Variants in ARIH1 observed in about 807,000 individuals in gnomAD.
ARIH1 encodes the protein E3 ubiquitin-protein ligase ARIH1.
Under a neutral mutation model 85.0 loss-of-function variants are expected in ARIH1, and 8 were observed. That is an observed-to-expected ratio of 0.09 (90% CI 0.06 to 0.17). The LOEUF is 0.17. Ranked by LOEUF, ARIH1 falls within the 10% of genes least tolerant of loss-of-function variation. The pLI, the probability that ARIH1 is intolerant of heterozygous loss-of-function variation, is 1.00. For missense variants in ARIH1, 311 were observed against 718.1 expected (o/e 0.43, Z 6.48); for synonymous variants, 238 against 253.6 (o/e 0.94, Z 0.59).
chr15:72,568,896 G>T (rs2064232043), intron 9 of ARIH1, among the ~76,000 whole-genome samples: 1 of 152,102 alleles, frequency 6.6e-6, no homozygotes, highest in Non-Finnish European at 1.5e-5. Flanking sequence ...GCCAAATTGT[G>T]CAAATACTAA....
At chr15:72,565,742 A>C (rs2064217059) in intron 7 of ARIH1, among the ~76,000 whole-genome samples, 1 of 152,158 alleles carries the variant, frequency 6.6e-6, no homozygotes, top group South Asian at 2.1e-4. Context: ...GTTTTTCTTC[A>C]TTAAGAGATA....
At chr15:72,550,764 C>T (rs997117127) in intron 3 of ARIH1, among the ~76,000 whole-genome samples, 8 of 151,410 alleles carry the variant, frequency 5.3e-5, no homozygotes, top group East Asian at 3.9e-4. Flanking sequence ...CTCCGCCTCC[C>T]GGGTTCAAGT....
chr15:72,575,866 TTTG>T (rs1026739478), intron 11 of ARIH1, among the ~76,000 whole-genome samples: 1 of 152,096 alleles, frequency 6.6e-6, no homozygotes, highest in African/African-American at 2.4e-5. Context: ...TGGCTGTGGT[TTTG>T]TTGTTTTTTC....
intron 2 of ARIH1, among the ~76,000 whole-genome samples, chr15:72,533,317 A>G (rs1482779095): frequency 6.6e-6 from 1 of 152,130 alleles, no homozygotes; most frequent in Non-Finnish European, 1.5e-5. Context: ...TTTAGTAGAG[A>G]TGGGGTTTCA....
chr15:72,491,287 A>G (rs12595339), intron 1 of ARIH1, among the ~76,000 whole-genome samples: 4,670 of 151,806 alleles, frequency 0.031, 117 homozygotes, highest in East Asian at 0.11. Context: ...TTTTTTTCCT[A>G]TGCTTCAAAT....
intron 2 of ARIH1, among the ~76,000 whole-genome samples, chr15:72,526,875 T>A (rs962915886): frequency 2.0e-5 from 3 of 151,590 alleles, no homozygotes; most frequent in South Asian, 2.1e-4. Context: ...TTTTTTTTTT[T>A]TAAATCTCTG....
At chr15:72,572,058 T>C in intron 10 of ARIH1, 50 bp from the exon 11 acceptor site, 1 of 1,331,970 alleles carries the variant, frequency 7.5e-7, no homozygotes, top group Non-Finnish European at 1.1e-6. Flanking sequence ...TTTTTTTTCC[T>C]TTTCATTGAT....
chr15:72,542,038 A>G (rs956329496), intron 2 of ARIH1, among the ~76,000 whole-genome samples: 5 of 152,240 alleles, frequency 3.3e-5, no homozygotes, highest in Admixed American at 1.3e-4. Context: ...AGTGTTTCCA[A>G]TAGATGAAAC....
At chr15:72,484,721 ATG>A (rs1002285202) in intron 1 of ARIH1, among the ~76,000 whole-genome samples, 100 of 150,424 alleles carry the variant, frequency 6.6e-4, no homozygotes, top group African/African-American at 2.3e-3. Context: ...ACGTATATGT[ATG>A]TGTGTGTATA....
At chr15:72,565,548 G>A (rs185207243) in intron 7 of ARIH1, among the ~76,000 whole-genome samples, 3 of 152,246 alleles carry the variant, frequency 2.0e-5, no homozygotes, top group Admixed American at 6.5e-5. Context: ...CAGAGATTAA[G>A]TATGTGTAAA....
At chr15:72,564,522 T>C (rs145261878) in intron 7 of ARIH1, among the ~76,000 whole-genome samples, 7 of 152,340 alleles carry the variant, frequency 4.6e-5, no homozygotes, top group Admixed American at 3.9e-4. Context: ...CTAGGCTTTT[T>C]CTAGCTTGCA....
At chr15:72,508,212 T>C (rs1041989796) in intron 1 of ARIH1, among the ~76,000 whole-genome samples, 3 of 152,248 alleles carry the variant, frequency 2.0e-5, no homozygotes, top group Non-Finnish European at 4.4e-5. Context: ...TTTTAGGTTG[T>C]TCTATTGTCC....
intron 3 of ARIH1, among the ~76,000 whole-genome samples, chr15:72,546,126 C>G (rs941169118): frequency 6.6e-6 from 1 of 152,124 alleles, no homozygotes; most frequent in African/African-American, 2.4e-5. Flanking sequence ...CAGCCTTCAT[C>G]AGACTCTTGG....
At chr15:72,549,374 C>T (rs1040464382) in intron 3 of ARIH1, among the ~76,000 whole-genome samples, 6 of 152,054 alleles carry the variant, frequency 3.9e-5, no homozygotes, top group African/African-American at 1.2e-4. Context: ...AGGAGTGAGC[C>T]GCCACGGCCA....
chr15:72,526,016 TAAG>T (rs1227645398), intron 2 of ARIH1, among the ~76,000 whole-genome samples: 1 of 152,172 alleles, frequency 6.6e-6, no homozygotes, highest in Non-Finnish European at 1.5e-5. Context: ...TAGGAATTGT[TAAG>T]AAAAGGTAAG....
intron 1 of ARIH1, among the ~76,000 whole-genome samples, chr15:72,507,437 G>C (rs923208719): frequency 1.4e-4 from 21 of 152,236 alleles, no homozygotes; most frequent in Non-Finnish European, 2.4e-4. Flanking sequence ...GGAATCTCTT[G>C]GGAGTTTTTG....
chr15:72,511,297 T>TTTTC (rs1003926236), intron 1 of ARIH1, among the ~76,000 whole-genome samples: 8 of 152,108 alleles, frequency 5.3e-5, no homozygotes, highest in Admixed American at 3.9e-4. Context: ...ATAGCTGATC[T>TTTTC]TTTCTTTCTT....
intron 9 of ARIH1, among the ~76,000 whole-genome samples, chr15:72,567,795 C>T (rs2064227486): frequency 6.6e-6 from 1 of 152,154 alleles, no homozygotes; most frequent in Non-Finnish European, 1.5e-5. Flanking sequence ...ATCCTATCCC[C>T]ATAGTGAGTG....
At chr15:72,477,539 G>T (rs1265187937) in intron 1 of ARIH1, among the ~76,000 whole-genome samples, 1 of 152,120 alleles carries the variant, frequency 6.6e-6, no homozygotes, top group African/African-American at 2.4e-5. Context: ...TTGGGAATTT[G>T]ATTACTTTTT....
Sources: allele counts gnomAD v4.1 joint callset (sites outside exome capture counted in the v4.1 genomes callset), GRCh38; gene constraint gnomAD v4.1.1; transcripts MANE v1.5; gene names NCBI Gene and HGNC (gene_info 2026-07-23, HGNC 2026-07-21).